Variants in REDIC1 observed in about 807,000 individuals in gnomAD.
REDIC1 encodes regulator of DNA class I crossover intermediates 1.
At chr12:39,727,842 G>C in the REDIC1 span, among the ~76,000 whole-genome samples, 1 of 152,098 alleles carries the variant, frequency 6.6e-6, no homozygotes, top group African/African-American at 2.4e-5. Flanking sequence ...GCAGTGGTTT[G>C]TAGTTCTCCT....
chr12:39,720,748 T>G, the REDIC1 span: 1 of 1,428,974 alleles, frequency 7.0e-7, no homozygotes, highest in East Asian at 2.3e-5. Context: ...TTTTAAAATG[T>G]AAGCATGGTT....
chr12:39,838,234 C>T, the REDIC1 span, among the ~76,000 whole-genome samples: 175 of 150,728 alleles, frequency 1.2e-3, no homozygotes, highest in African/African-American at 3.9e-3. Context: ...AGTAAACTGT[C>T]GCAAGATCAA....
chr12:39,864,736 GGAA>G, the REDIC1 span: 15 of 1,610,652 alleles, frequency 9.3e-6, no homozygotes, highest in Non-Finnish European at 1.3e-5. Context: ...GTCATGTAAA[GGAA>G]GAAGAACATA....
At chr12:39,644,606 G>A in the REDIC1 span, among the ~76,000 whole-genome samples, 8 of 151,626 alleles carry the variant, frequency 5.3e-5, no homozygotes, top group Admixed American at 6.6e-5. Context: ...TCCTTTCTCC[G>A]TCATTTTTTT....
chr12:39,680,041 A>G, the REDIC1 span, among the ~76,000 whole-genome samples: 19 of 152,352 alleles, frequency 1.2e-4, no homozygotes, highest in Non-Finnish European at 2.9e-5. Flanking sequence ...CTAGAAGATA[A>G]CATCGGAAAA....
the REDIC1 span, among the ~76,000 whole-genome samples, chr12:39,712,755 G>A: frequency 6.3e-5 from 9 of 143,292 alleles, no homozygotes; most frequent in East Asian, 8.3e-4. Flanking sequence ...GTACACATAT[G>A]TGTATATACG....
At chr12:39,682,565 A>G in the REDIC1 span, 1 of 1,405,210 alleles carries the variant, frequency 7.1e-7, no homozygotes, top group South Asian at 1.6e-5. Flanking sequence ...CTAAATGCAA[A>G]TAATCCATGC....
the REDIC1 span, among the ~76,000 whole-genome samples, chr12:39,656,953 T>G: frequency 6.6e-6 from 1 of 152,210 alleles, no homozygotes; most frequent in Admixed American, 6.5e-5. Context: ...AATTAAAACA[T>G]TTATAAAGCT....
the REDIC1 span, among the ~76,000 whole-genome samples, chr12:39,673,009 A>G: frequency 6.6e-6 from 1 of 152,014 alleles, no homozygotes; most frequent in Non-Finnish European, 1.5e-5. Flanking sequence ...AGGGACTCCA[A>G]TGTGGCCAGG....
chr12:39,785,523 G>A, the REDIC1 span, among the ~76,000 whole-genome samples: 268 of 152,338 alleles, frequency 1.8e-3, 1 homozygote, highest in Non-Finnish European at 3.3e-3. Context: ...ACTGCTGAAG[G>A]GAAATGTGGG....
chr12:39,722,227 G>T, the REDIC1 span, among the ~76,000 whole-genome samples: 1 of 152,064 alleles, frequency 6.6e-6, no homozygotes, highest in Non-Finnish European at 1.5e-5. Flanking sequence ...TTGCAATTTG[G>T]AGACACCAAC....
chr12:39,655,418 A>G, the REDIC1 span, among the ~76,000 whole-genome samples: 1 of 152,146 alleles, frequency 6.6e-6, no homozygotes, highest in Non-Finnish European at 1.5e-5. Context: ...TTCCTCTTGT[A>G]TGCAACACCT....
the REDIC1 span, chr12:39,760,250 C>A: frequency 1.2e-6 from 2 of 1,610,112 alleles, no homozygotes; most frequent in Admixed American, 1.7e-5. Flanking sequence ...AGGAAGAAAG[C>A]TCCTGCAACG....
chr12:39,821,383 C>A, the REDIC1 span, among the ~76,000 whole-genome samples: 3 of 151,814 alleles, frequency 2.0e-5, no homozygotes, highest in African/African-American at 7.3e-5. Context: ...ACACTCCAGC[C>A]TGGGTAACAG....
the REDIC1 span, among the ~76,000 whole-genome samples, chr12:39,824,620 C>T: frequency 6.6e-6 from 1 of 152,106 alleles, no homozygotes; most frequent in African/African-American, 2.4e-5. Flanking sequence ...CTGGAAATCT[C>T]CAGGCCAGGT....
chr12:39,904,854 C>T, the REDIC1 span, among the ~76,000 whole-genome samples: 1 of 152,034 alleles, frequency 6.6e-6, no homozygotes, highest in Non-Finnish European at 1.5e-5. Flanking sequence ...TGTGCCCTGC[C>T]CCTGGATGAA....
chr12:39,739,755 G>A, the REDIC1 span, among the ~76,000 whole-genome samples: 5,017 of 152,104 alleles, frequency 0.033, 266 homozygotes, highest in African/African-American at 0.11. Context: ...TTCACATCTC[G>A]TAAAATATGA....
At chr12:39,851,258 A>G in the REDIC1 span, among the ~76,000 whole-genome samples, 2 of 152,170 alleles carry the variant, frequency 1.3e-5, no homozygotes, top group Admixed American at 6.6e-5. Flanking sequence ...TTTGTTTCCA[A>G]AATGGACAAA....
the REDIC1 span, among the ~76,000 whole-genome samples, chr12:39,742,153 G>T: frequency 6.6e-6 from 1 of 151,888 alleles, no homozygotes; most frequent in East Asian, 1.9e-4. Context: ...GTTAAGAGGG[G>T]GTCCACTCGG....
Sources: gnomAD v4.1 joint callset for allele counts (sites outside exome capture counted in the v4.1 genomes callset) on GRCh38, gnomAD v4.1.1 for gene constraint, MANE v1.5 for transcripts, NCBI Gene and HGNC (gene_info 2026-07-23, HGNC 2026-07-21) for gene names.